Variants in GRM8 observed in about 807,000 individuals in gnomAD.
The protein encoded by GRM8 is glutamate metabotropic receptor 8, also known as metabotropic glutamate receptor 8.
Under a neutral mutation model 87.2 loss-of-function variants are expected in GRM8, and 47 were observed. The ratio of observed to expected loss-of-function variants is 0.54; its 90% CI spans 0.43 to 0.69. The LOEUF is 0.69. GRM8 is among the 30% of genes least tolerant of loss of function. GRM8 has a pLI of 0.00. For synonymous variants in GRM8, 396 were observed against 404.5 expected, an observed-to-expected ratio of 0.98 and a Z score of 0.25; for missense variants, 1,019 against 1,139.2, an observed-to-expected ratio of 0.89 and a Z score of 1.52.
At chr7:126,544,946 T>A (rs1456757687) in intron 8 of GRM8, among the ~76,000 whole-genome samples, 1 of 152,164 alleles carries the variant, frequency 6.6e-6, no homozygotes, top group Non-Finnish European at 1.5e-5. Context: ...AAAAATTATA[T>A]CAGAAGCAAA....
At chr7:126,645,841 GTGCCCC>G (rs1453750569) in intron 7 of GRM8, among the ~76,000 whole-genome samples, 1 of 152,098 alleles carries the variant, frequency 6.6e-6, no homozygotes, top group Admixed American at 6.6e-5. Flanking sequence ...TCAACAAATA[GTGCCCC>G]TCTTCTACCT....
chr7:127,167,054 C>T (rs1340394147), intron 2 of GRM8, among the ~76,000 whole-genome samples: 2 of 152,138 alleles, frequency 1.3e-5, no homozygotes, highest in South Asian at 2.1e-4. Flanking sequence ...AACTCTAAAA[C>T]ATCCTTTTAA....
At chr7:126,542,510 G>A (rs10240197) in intron 8 of GRM8, among the ~76,000 whole-genome samples, 3,271 of 152,318 alleles carry the variant, frequency 0.021, 105 homozygotes, top group African/African-American at 0.074. Context: ...CAGGGGAGGT[G>A]AGACTGCCTT....
At chr7:126,946,699 C>A (rs1310724605) in intron 3 of GRM8, among the ~76,000 whole-genome samples, 1 of 152,056 alleles carries the variant, frequency 6.6e-6, no homozygotes, top group Non-Finnish European at 1.5e-5. Flanking sequence ...GACTACAGAC[C>A]CAAACTGAGA....
At chr7:126,820,614 A>T (rs1794208275) in intron 6 of GRM8, among the ~76,000 whole-genome samples, 1 of 152,278 alleles carries the variant, frequency 6.6e-6, no homozygotes, top group African/African-American at 2.4e-5. Flanking sequence ...AGACAGTAAA[A>T]CCACGGATAG....
intron 2 of GRM8, among the ~76,000 whole-genome samples, chr7:127,170,833 A>G (rs1051692755): frequency 6.6e-6 from 1 of 152,080 alleles, no homozygotes; most frequent in African/African-American, 2.4e-5. Flanking sequence ...GACTTTGGGG[A>G]CTCAGGGGAA....
At chr7:127,241,580 T>C (rs1798303714) in intron 2 of GRM8, among the ~76,000 whole-genome samples, 1 of 151,998 alleles carries the variant, frequency 6.6e-6, no homozygotes, top group Non-Finnish European at 1.5e-5. Context: ...ACTACAAGCG[T>C]GTGCCACTAT....
chr7:126,453,445 C>T (rs779404370), intron 9 of GRM8, among the ~76,000 whole-genome samples: 28 of 151,698 alleles, frequency 1.8e-4, no homozygotes, highest in Admixed American at 5.3e-4. Flanking sequence ...AGGAAGACTA[C>T]AGATGCAGAG....
intron 3 of GRM8, among the ~76,000 whole-genome samples, chr7:126,973,208 A>G (rs1351660707): frequency 6.6e-6 from 1 of 151,984 alleles, no homozygotes. Context: ...GGTCTGCAGT[A>G]GGGCCCCAAA....
chr7:126,631,505 T>C (rs1305640933), intron 7 of GRM8, among the ~76,000 whole-genome samples: 5 of 152,018 alleles, frequency 3.3e-5, no homozygotes, highest in Non-Finnish European at 1.5e-5. Context: ...CTACCAATGA[T>C]ATTCTTCACA....
At chr7:127,139,933 G>C (rs773986604) in intron 2 of GRM8, among the ~76,000 whole-genome samples, 2 of 152,176 alleles carry the variant, frequency 1.3e-5, no homozygotes, top group East Asian at 1.9e-4. Flanking sequence ...AGAAGCACAG[G>C]TTCCCTCACA....
intron 6 of GRM8, among the ~76,000 whole-genome samples, chr7:126,852,139 C>T (rs144871107): frequency 2.0e-5 from 3 of 152,068 alleles, no homozygotes; most frequent in African/African-American, 4.8e-5. Flanking sequence ...GTCTACCTGT[C>T]GTGTATGCTC....
intron 6 of GRM8, among the ~76,000 whole-genome samples, chr7:126,856,315 A>G (rs957694522): frequency 2.0e-5 from 3 of 152,320 alleles, no homozygotes; most frequent in Admixed American, 2.0e-4. Flanking sequence ...GGGAATGCTT[A>G]TAAATTAAAA....
At chr7:126,970,830 C>A (rs897830760) in intron 3 of GRM8, among the ~76,000 whole-genome samples, 2 of 151,960 alleles carry the variant, frequency 1.3e-5, no homozygotes, top group African/African-American at 4.8e-5. Context: ...AACATAGGGA[C>A]CACTGTAGGG....
rs552476798 is a variant in GRM8 at position 127,096,694 on chromosome 7, TTAAG to T, written c.727+9798_727+9801del. ...ATGAATAAATTGGGGCACAACATGA[TTAAG>T]TAAGTTACCCAGATCCCTTTGCTAC... On this transcript the variant is annotated intron_variant, in intron 3 of 10. Transcript: ENST00000339582. Among the ~76,000 whole-genome samples the T allele has an allele frequency of 3.8e-4, 58 of 152,308 alleles. 1 individual carries two copies. In the South Asian group the frequency reaches 0.012, roughly 30 times the overall value.
At chr7:126,929,329 C>T (rs1188657913) in intron 3 of GRM8, among the ~76,000 whole-genome samples, 1 of 152,214 alleles carries the variant, frequency 6.6e-6, no homozygotes, top group African/African-American at 2.4e-5. Context: ...CATTCTATAG[C>T]TGTGCTGTTG....
intron 2 of GRM8, among the ~76,000 whole-genome samples, chr7:127,155,872 A>G (rs1792696964): frequency 6.6e-6 from 1 of 152,154 alleles, no homozygotes; most frequent in South Asian, 2.1e-4. Flanking sequence ...CATGGAAGAA[A>G]ATCAAGGAAC....
intron 6 of GRM8, among the ~76,000 whole-genome samples, chr7:126,854,829 T>G (rs974181629): frequency 6.6e-6 from 1 of 152,252 alleles, no homozygotes; most frequent in Non-Finnish European, 1.5e-5. Flanking sequence ...TTTTGCATTA[T>G]CCATAGTGCA....
chr7:126,571,291 T>G (rs759448371), intron 8 of GRM8, among the ~76,000 whole-genome samples: 18 of 152,330 alleles, frequency 1.2e-4, no homozygotes, highest in Admixed American at 7.8e-4. Flanking sequence ...CAAGACAGCT[T>G]CAATTACAAT....
Sources: allele counts gnomAD v4.1 joint callset (sites outside exome capture counted in the v4.1 genomes callset), GRCh38; gene constraint gnomAD v4.1.1; transcripts MANE v1.5; gene names NCBI Gene and HGNC (gene_info 2026-07-23, HGNC 2026-07-21).